The following FGD6 variants were observed in gnomAD, a reference collection of about 807,000 sequenced individuals.
FGD6 encodes FYVE, RhoGEF and PH domain-containing protein 6.
A neutral mutation model predicts 149.4 loss-of-function variants in FGD6; 90 were observed. The observed-to-expected ratio is 0.60, with a 90% confidence interval of 0.51 to 0.72. The LOEUF (loss-of-function observed/expected upper bound fraction) is 0.72, where lower values mean the gene tolerates loss of function less well. Among genes scored for constraint, FGD6 ranks in the 30% least tolerant of loss-of-function variants. The pLI is 0.00. For synonymous variants in FGD6, 527 were observed against 584.0 expected (o/e 0.90, Z 1.41); for missense variants, 1,437 against 1,684.8 (o/e 0.85, Z 2.57).
At position 95,217,326 on chromosome 12, in the gene FGD6, G is replaced by A. The variant is rs374245617; in HGVS notation, c.-86C>T. On this transcript the variant is annotated 5_prime_UTR_variant, in exon 1 of 21. Coordinates refer to ENST00000343958, the MANE Select transcript of FGD6 (RefSeq NM_018351.4). ...CATTGTTCCCACAGTTCGGGTAGGA[G>A]AGAAAAGCCCCCGCAGCGCCCACAT... 2.0e-5 allele frequency: 30 copies of A among 1,486,218 alleles called. No homozygotes were observed. The highest frequency in any genetic ancestry group is 1.2e-5 in the Non-Finnish European group (13 of 1,108,578). The allele number at this position is 1,486,218 out of a possible 1,614,324, so 92.1% of individuals were successfully genotyped here. A position where few individuals can be genotyped will look rare whatever the true frequency, so the allele number is the denominator to read the frequency against.
At chr12:95,085,677 C>CA (rs941680172) in intron 19 of FGD6, 103 bp downstream of exon 19, 4 of 1,364,814 alleles carry the variant, frequency 2.9e-6, no homozygotes, top group Non-Finnish European at 2.9e-6. Flanking sequence ...AAAAGCAAAG[C>CA]AAAAAATCTT....
intron 2 of FGD6, among the ~76,000 whole-genome samples, chr12:95,203,932 A>AGGTTT (rs755596567): frequency 4.5e-4 from 69 of 152,216 alleles, no homozygotes; most frequent in Non-Finnish European, 9.7e-4. Flanking sequence ...AAAGGCTCAA[A>AGGTTT]GGCTCAAATT....
At position 95,209,438 on chromosome 12, in the gene FGD6, T is replaced by C; in HGVS notation, c.1846A>G (p.Lys616Glu). The stretch of plus-strand genomic sequence containing the variant: ...TTCTTTGTAGAGTCTTTGCAAGGCT[T>C]AGTGCACTTTTCCACATCCATAGCA... The part of the protein sequence containing the change: ...LSAMDVEKCT[K>E]PCKDSTKKNS... The change falls in exon 2 of 21, where the codon AAG (lysine) becomes GAG (glutamate). Residue 616 changes from lysine to glutamate, a missense_variant. Around this residue, in one of 2 missense-constraint regions of FGD6, gnomAD observed 1,055 missense variants for 1,146.0 expected, o/e 0.92. Transcript: ENST00000343958. 1 of 1,613,062 alleles carries C rather than the reference T, an allele frequency of 6.2e-7. No individual in the cohort carries two copies. Among genetic ancestry groups the C allele is most frequent in the Non-Finnish European group, 8.5e-7 (1 of 1,179,380 alleles).
At chr12:95,180,175 G>C (rs1220261255) in intron 2 of FGD6, among the ~76,000 whole-genome samples, 1 of 151,930 alleles carries the variant, frequency 6.6e-6, no homozygotes, top group Non-Finnish European at 1.5e-5. Flanking sequence ...CACAGAGTGT[G>C]CTCCTATTTG....
chr12:95,186,809 C>A (rs1881449755), intron 2 of FGD6, among the ~76,000 whole-genome samples: 2 of 152,266 alleles, frequency 1.3e-5, no homozygotes, highest in East Asian at 3.9e-4. Context: ...GTGTTCGAAT[C>A]CGAGTTCTGC....
Position 95,105,010 on chromosome 12 carries a change from G to T in FGD6, c.3494C>A (p.Ala1165Asp). The T allele has an allele frequency of 1.3e-6, 2 of 1,584,586 alleles. No homozygotes were observed. Among genetic ancestry groups the T allele is most frequent in the South Asian group, 1.2e-5 (1 of 84,386 alleles). The change falls in exon 14 of 21, where the codon GCC becomes GAC. Residue 1165 changes from alanine (A) to aspartate (D), a missense_variant. Ala to Asp is a moderately radical substitution (Grantham distance 126). Around this residue, in one of 2 missense-constraint regions of FGD6, gnomAD observed 382 missense variants for 538.7 expected, o/e 0.71. Coordinates refer to ENST00000343958, the MANE Select transcript of FGD6 (RefSeq NM_018351.4). ...ESVERSFILS[A>D]SSATERDEWL... is the part of the protein sequence containing the mutation. ...AAAAGAAGAAGAAAAAATTTACCTG[G>T]CTGAGAGAATGAAGGAACGTTCTAC...
rs773847488 is a variant in FGD6, at chr12:95,209,658, CTGAAGG to C, written c.1620_1625del (p.His540_Leu541del). 10 of 1,613,028 alleles carry C rather than the reference CTGAAGG, an allele frequency of 6.2e-6. No individual in the cohort carries two copies. ...CACCACGGTTTTGGGCACACAAATGCTGAAGGTGATTTCTTTCTAGACTCTTCTCTG... is the reference window on the plus strand; with the variant it reads ...CACCACGGTTTTGGGCACACAAATGCTGATTTCTTTCTAGACTCTTCTCTG... On this transcript the variant is annotated inframe_deletion, in exon 2 of 21. Transcript: ENST00000343958.
intron 2 of FGD6, among the ~76,000 whole-genome samples, chr12:95,192,723 T>G (rs1881626446): frequency 6.6e-6 from 1 of 152,150 alleles, no homozygotes; most frequent in Non-Finnish European, 1.5e-5. Flanking sequence ...GGGGAGTGTA[T>G]TTTGTTACCT....
chr12:95,184,326 A>G (rs1206917182), intron 2 of FGD6, among the ~76,000 whole-genome samples: 1 of 152,242 alleles, frequency 6.6e-6, no homozygotes, highest in East Asian at 1.9e-4. Flanking sequence ...GAGGAGCCAC[A>G]GAGGGGGAGG....
intron 2 of FGD6, among the ~76,000 whole-genome samples, chr12:95,197,475 C>G (rs867569796): frequency 1.3e-5 from 2 of 152,004 alleles, no homozygotes; most frequent in East Asian, 3.9e-4. Flanking sequence ...CCAAAAGGCT[C>G]CATAAAGTCT....
chr12:95,090,890 G>A (rs1010072247), intron 17 of FGD6, among the ~76,000 whole-genome samples: 2 of 152,096 alleles, frequency 1.3e-5, no homozygotes, highest in Non-Finnish European at 2.9e-5. Flanking sequence ...TTGAGGTCAG[G>A]GGTTCGAGAC....
chr12:95,181,223 C>T (rs1324838103), intron 2 of FGD6, among the ~76,000 whole-genome samples: 1 of 152,200 alleles, frequency 6.6e-6, no homozygotes, highest in Admixed American at 6.5e-5. Flanking sequence ...AGAGTAACCA[C>T]ACAACTTGTT....
intron 19 of FGD6, 65 bp downstream of exon 19, chr12:95,085,715 T>A: frequency 6.7e-7 from 1 of 1,503,340 alleles, no homozygotes; most frequent in African/African-American, 1.4e-5. Flanking sequence ...TTTTAAAATA[T>A]TGTAATTACT....
intron 8 of FGD6, among the ~76,000 whole-genome samples, chr12:95,119,871 G>A (rs538013272): frequency 1.3e-5 from 2 of 152,316 alleles, no homozygotes; most frequent in African/African-American, 4.8e-5. Context: ...AGTGAGCCAA[G>A]ATTGTGCCAC....
At chr12:95,094,271 A>C (rs1878167556) in intron 15 of FGD6, among the ~76,000 whole-genome samples, 1 of 152,226 alleles carries the variant, frequency 6.6e-6, no homozygotes, top group African/African-American at 2.4e-5. Context: ...AAATTAACTT[A>C]AAAAGACGCC....
At chr12:95,132,072 C>T (rs1481155844) in intron 8 of FGD6, among the ~76,000 whole-genome samples, 1 of 152,042 alleles carries the variant, frequency 6.6e-6, no homozygotes, top group Non-Finnish European at 1.5e-5. Flanking sequence ...AAAAGATTTC[C>T]CAATCTAAGA....
chr12:95,156,080 T>G (rs1880460311), intron 3 of FGD6, among the ~76,000 whole-genome samples: 1 of 152,160 alleles, frequency 6.6e-6, no homozygotes, highest in African/African-American at 2.4e-5. Context: ...CTCAGGACCC[T>G]GTGATGATTG....
chr12:95,125,724 T>C (rs1266429066), intron 8 of FGD6: 2 of 576,036 alleles, frequency 3.5e-6, no homozygotes, highest in Non-Finnish European at 3.1e-6. Context: ...ACAACTACAA[T>C]TAAAAATGAA....
At chr12:95,177,748 T>C (rs182739038) in intron 2 of FGD6, among the ~76,000 whole-genome samples, 5 of 152,172 alleles carry the variant, frequency 3.3e-5, no homozygotes, top group Admixed American at 1.3e-4. Context: ...TAGTAGTTAT[T>C]ATAGCACACT....
Sources: gnomAD v4.1 joint callset for allele counts (sites outside exome capture counted in the v4.1 genomes callset) on GRCh38, gnomAD v4.1.1 for gene constraint, gnomAD v4.1.1 regional missense constraint, MANE v1.5 for transcripts, NCBI Gene and HGNC (gene_info 2026-07-23, HGNC 2026-07-21) for gene names.